BCAM: variants seen among roughly 807,000 people sequenced by gnomAD.
The protein encoded by BCAM is basal cell adhesion molecule.
BCAM carries 61 observed loss-of-function variants against 72.4 expected under a neutral mutation model. That is an observed-to-expected ratio of 0.84 (90% confidence interval 0.69 to 1.04). The LOEUF (loss-of-function observed/expected upper bound fraction) is 1.04, where lower values mean the gene tolerates loss of function less well. BCAM is among the 50% of genes least tolerant of loss of function. The pLI, the probability that BCAM is intolerant of heterozygous loss-of-function variation, is 0.00. For missense variants in BCAM, 909 were observed against 895.0 expected, an observed-to-expected ratio of 1.02 and a Z score of -0.20; for synonymous variants, 408 against 384.2, an observed-to-expected ratio of 1.06 and a Z score of -0.73.
chr19:44,812,284 G>T lies in BCAM; in HGVS notation c.326G>T (p.Arg109Leu). ...SPPYQLDSQG[R>L]LVLAEAQVGD... ...CCATACCAGCTGGACTCCCAGGGGCGCCTGGTGCTGGCTGAGGCCCAGGTG... is the reference window on the plus strand; with the variant it reads ...CCATACCAGCTGGACTCCCAGGGGCTCCTGGTGCTGGCTGAGGCCCAGGTG... The change falls in exon 3 of 15, where the codon CGC becomes CTC. Residue 109 changes from arginine (R) to leucine (L), a missense_variant. Transcript: ENST00000270233. The surrounding 1 kb of genome is among the most constrained non-coding windows in gnomAD (Gnocchi z 5.3). The T allele has an allele frequency of 6.2e-7, 1 of 1,611,326 alleles. No homozygotes were observed. Among genetic ancestry groups the T allele is most frequent in the Non-Finnish European group, 8.5e-7 (1 of 1,178,332 alleles).
Position 44,812,070 on chromosome 19 carries a change from A to G in BCAM, c.205-93A>G. 6.3e-6 allele frequency: 8 copies of G among 1,260,102 alleles called. No individual in the cohort carries two copies. The highest frequency in any genetic ancestry group is 8.8e-6 in the Non-Finnish European group (8 of 913,852). The allele number at this position is 1,260,102 out of a possible 1,614,324, so 78.1% of individuals were successfully genotyped here. On this transcript the variant is annotated intron_variant, in intron 2 of 14. Coordinates refer to ENST00000270233, the MANE Select transcript of BCAM (RefSeq NM_005581.5). The surrounding 1 kb of genome is among the most constrained non-coding windows in gnomAD (Gnocchi z 5.3). The stretch of plus-strand genomic sequence containing the variant: ...GACCCATAACAAGAGGAAAAGAGGC[A>G]GAGCCAGGAGCTGCAGAGAGAAAGG...
intron 1 of BCAM, among the ~76,000 whole-genome samples, chr19:44,809,486 C>G (rs938294273): frequency 6.6e-6 from 1 of 152,046 alleles, no homozygotes; most frequent in African/African-American, 2.4e-5. Context: ...CCTGCCTCCT[C>G]CCTCAGACCC....
intron 13 of BCAM, chr19:44,820,127 C>T: frequency 9.5e-7 from 1 of 1,050,986 alleles, no homozygotes; most frequent in Non-Finnish European, 1.1e-6. Flanking sequence ...TTCAAACCAT[C>T]CTCAACTAAG....
In BCAM at chr19:44,820,783, C is replaced by T. The variant is rs774903528; in HGVS notation, c.1842C>T (p.Ser614=). 4.6e-6 allele frequency: 7 copies of T among 1,506,958 alleles called. No homozygotes were observed. The highest frequency in any genetic ancestry group is 2.6e-5 in the East Asian group (1 of 39,122). 93.3% of individuals were successfully genotyped at this position (1,506,958 alleles called of 1,614,324 possible). A position where few individuals can be genotyped will look rare whatever the true frequency, so the allele number is the denominator to read the frequency against. The change falls in exon 14 of 15, where the codon TCC becomes TCT. Residue 614 remains serine, a synonymous_variant. Coordinates refer to ENST00000270233, the MANE Select transcript of BCAM (RefSeq NM_005581.5). Reference sequence around the variant, plus strand: ...CCGGCCTTCTCATGGGAGGTGCCTCCGGAGGAGCCAGGGGTGGCAGCGGGG... The same window carrying T: ...CCGGCCTTCTCATGGGAGGTGCCTCTGGAGGAGCCAGGGGTGGCAGCGGGG... ...EQTGLLMGGA[S]GGARGGSGGF... is the part of the protein sequence containing the mutation.
Position 44,812,806 on chromosome 19 carries a change from T to G in BCAM, c.504+258T>G, listed in dbSNP as rs766733335. 3.5e-4 allele frequency: 173 copies of G among 493,592 alleles called. No individual in the cohort carries two copies. The highest frequency in any genetic ancestry group is 6.0e-4 in the Non-Finnish European group (166 of 275,754). 30.6% of individuals were successfully genotyped at this position (493,592 alleles called of 1,614,324 possible). On this transcript the variant is annotated intron_variant, in intron 4 of 14. Transcript: ENST00000270233. The surrounding 1 kb of genome is among the most constrained non-coding windows in gnomAD (Gnocchi z 5.3). The stretch of plus-strand genomic sequence containing the variant: ...CTCTACTAAAGATACAAAAATTAGC[T>G]GGGTGTGTTGGTGTGCAACTGTAAT...
Position 44,820,997 on chromosome 19 carries a change from C to G in BCAM, c.*76C>G. ...AGAACCAGCCCTGCTCACGCCATGC[C>G]CGCCCCCGCCTTCCCTCTTCCCTCT... is the stretch of plus-strand genomic sequence containing the variant. On this transcript the variant is annotated 3_prime_UTR_variant, in exon 15 of 15. Coordinates refer to ENST00000270233, the MANE Select transcript of BCAM (RefSeq NM_005581.5). 1 of 1,448,546 alleles carries G rather than the reference C, an allele frequency of 6.9e-7. No individual in the cohort carries two copies. Among genetic ancestry groups the G allele is most frequent in the Non-Finnish European group, 9.1e-7 (1 of 1,096,020 alleles). 89.7% of individuals were successfully genotyped at this position (1,448,546 alleles called of 1,614,324 possible).
chr19:44,811,131 G>T, intron 1 of BCAM, 94 bp from the exon 2 acceptor site: 1 of 1,580,284 alleles, frequency 6.3e-7, no homozygotes. Context: ...GAGGGGCTGG[G>T]ACCTGGACGC....
At position 44,813,233 on chromosome 19, in the gene BCAM, G is replaced by T. The variant is rs758609509; in HGVS notation, c.505-17G>T. 3.1e-6 allele frequency: 5 copies of T among 1,613,510 alleles called. No homozygotes were observed. The highest frequency in any genetic ancestry group is 1.3e-5 in the African/African-American group (1 of 74,930). The stretch of plus-strand genomic sequence containing the variant: ...GTCCCAGCTCCAAGCCCAGGGCCAT[G>T]CCCGTGTCTGCCTCAGATCGCCACC... On this transcript the variant is annotated splice_polypyrimidine_tract_variant and intron_variant, in intron 4 of 14. Coordinates refer to ENST00000270233, the MANE Select transcript of BCAM (RefSeq NM_005581.5). This position sits in a 1 kb window ranked among gnomAD's most constrained non-coding sequence, Gnocchi z 4.2.
At position 44,820,700 on chromosome 19, in the gene BCAM, C is replaced by A. The variant is rs760192062; in HGVS notation, c.1764-5C>A. On this transcript the variant is annotated splice_region_variant and splice_polypyrimidine_tract_variant and intron_variant, in intron 13 of 14. Transcript: ENST00000270233. ...ACGCCTCCGCCCGCTGCCTCCTCCC[C>A]CCAGGCCGCCAGGGGAGCCAGGGCT... The A allele has an allele frequency of 1.4e-6, 2 of 1,407,334 alleles. No individual in the cohort carries two copies. The highest frequency in any genetic ancestry group is 2.7e-5 in the East Asian group (1 of 36,820). 87.2% of individuals were successfully genotyped at this position (1,407,334 alleles called of 1,614,324 possible).
chr19:44,821,223 T>C lies in BCAM; in HGVS notation c.*302T>C. The C allele has an allele frequency of 2.7e-6, 1 of 368,034 alleles. No individual in the cohort carries two copies. Among genetic ancestry groups the C allele is most frequent in the Non-Finnish European group, 4.8e-6 (1 of 206,254 alleles). The allele number at this position is 368,034 out of a possible 1,614,324, so 22.8% of individuals were successfully genotyped here. ...CCAGCCTGGGACAAGGCTCCGAGGG[T>C]CGGCTGGCCGGAGCTATTTTTACCT... On this transcript the variant is annotated 3_prime_UTR_variant, in exon 15 of 15. Transcript: ENST00000270233.
chr19:44,813,712 C>A lies in BCAM; in HGVS notation c.784+92C>A. 1 of 1,465,180 alleles carries A rather than the reference C, an allele frequency of 6.8e-7. No homozygotes were observed. The highest frequency in any genetic ancestry group is 1.3e-5 in the South Asian group (1 of 77,414). The allele number at this position is 1,465,180 out of a possible 1,614,324, so 90.8% of individuals were successfully genotyped here. On this transcript the variant is annotated intron_variant, in intron 6 of 14. Coordinates refer to ENST00000270233, the MANE Select transcript of BCAM (RefSeq NM_005581.5). This position sits in a 1 kb window ranked among gnomAD's most constrained non-coding sequence, Gnocchi z 4.2. ...CCGGGGGCTTCACACTCCCCTCTGA[C>A]CCTCTGCCTCCCTACTTCATGCTAA...
chr19:44,817,556 T>G (rs1380745851), intron 8 of BCAM, among the ~76,000 whole-genome samples: 1 of 151,476 alleles, frequency 6.6e-6, no homozygotes, highest in Non-Finnish European at 1.5e-5. Context: ...TTTGTTTTTT[T>G]TTTTTTGAGT....
At position 44,809,155 on chromosome 19, in the gene BCAM, C is replaced by T. The variant is rs566179679; in HGVS notation, c.31C>T (p.Arg11Cys). The stretch of plus-strand genomic sequence containing the variant: ...GCCCCCGGACGCACCGGCCCAGGCG[C>T]GCGGGGCCCCGCGGCTGCTGTTGCT... MEPPDAPAQA[R>C]GAPRLLLLAV... Residue 11 changes from arginine (R) to cysteine (C), a missense_variant, in exon 1 of 15, where the codon CGC becomes TGC. Transcript: ENST00000270233. The T allele has an allele frequency of 2.6e-4, 387 of 1,473,062 alleles. 7 individuals are homozygous for T. In the South Asian group the frequency reaches 4.8e-3, roughly 18 times the overall value. The allele number at this position is 1,473,062 out of a possible 1,614,324, so 91.2% of individuals were successfully genotyped here.
Position 44,814,248 on chromosome 19 carries a change from A to C in BCAM, c.881A>C (p.Asp294Ala). 2 of 1,587,664 alleles carry C rather than the reference A, an allele frequency of 1.3e-6. No homozygotes were observed. The highest frequency in any genetic ancestry group is 1.7e-6 in the Non-Finnish European group (2 of 1,173,022). Residue 294 changes from aspartate to alanine, a missense_variant, in exon 7 of 15, where the codon GAC becomes GCC. Asp to Ala is a moderately radical substitution (Grantham distance 126). Coordinates refer to ENST00000270233, the MANE Select transcript of BCAM (RefSeq NM_005581.5). This position sits in a 1 kb window ranked among gnomAD's most constrained non-coding sequence, Gnocchi z 4.6. ...ACTGTCCAGCTGCTCTGCCGGGGGG[A>C]CGGCAGCCCCAGCCCGGAGTATACG... ...GDTVQLLCRG[D>A]GSPSPEYTLF...
chr19:44,810,082 C>T (rs1287544822), intron 1 of BCAM, among the ~76,000 whole-genome samples: 1 of 152,082 alleles, frequency 6.6e-6, no homozygotes, highest in Admixed American at 6.5e-5. Flanking sequence ...ACAGTGGGTC[C>T]CCAGGGGTAG....
rs369153988 is a variant in BCAM, at chr19:44,814,735, C to T, written c.1053C>T (p.Ser351=). 17 of 1,613,232 alleles carry T rather than the reference C, an allele frequency of 1.1e-5. No homozygotes were observed. The highest frequency in any genetic ancestry group is 2.2e-5 in the South Asian group (2 of 91,048). ...DYDAADDVQL[S]KTLELRVAYL... ...ACGCGGCAGATGACGTGCAGCTCTCCAAGACGCTGGAGCTGCGCGTGGCCT... is the reference window on the plus strand; with the variant it reads ...ACGCGGCAGATGACGTGCAGCTCTCTAAGACGCTGGAGCTGCGCGTGGCCT... The change falls in exon 8 of 15, where the codon TCC becomes TCT. Residue 351 remains serine, a synonymous_variant. Transcript: ENST00000270233. The surrounding 1 kb of genome is among the most constrained non-coding windows in gnomAD (Gnocchi z 4.6).
rs927272259 is a variant in BCAM, at chr19:44,813,792, C to T, written c.784+172C>T. The T allele has an allele frequency of 1.0e-6, 1 of 985,588 alleles. No homozygotes were observed. The highest frequency in any genetic ancestry group is 2.9e-5 in the Admixed American group (1 of 35,022). The allele number at this position is 985,588 out of a possible 1,614,324, so 61.1% of individuals were successfully genotyped here. ...CTCTGACCTCAATTGGTCGCACAAGCCCCATCCTGACCTCTGACCTCCGAC... is the reference window on the plus strand; with the variant it reads ...CTCTGACCTCAATTGGTCGCACAAGTCCCATCCTGACCTCTGACCTCCGAC... On this transcript the variant is annotated intron_variant, in intron 6 of 14. Transcript: ENST00000270233. This position sits in a 1 kb window ranked among gnomAD's most constrained non-coding sequence, Gnocchi z 4.2.
intron 8 of BCAM, among the ~76,000 whole-genome samples, chr19:44,817,281 C>A (rs1285641811): frequency 2.0e-5 from 3 of 152,104 alleles, no homozygotes; most frequent in African/African-American, 4.8e-5. Context: ...ACAAAAAGAG[C>A]ACTGCAAGTA....
At position 44,814,283 on chromosome 19, in the gene BCAM, C is replaced by A. The variant is rs1968473597; in HGVS notation, c.916C>A (p.Leu306Ile). 1 of 1,594,834 alleles carries A rather than the reference C, an allele frequency of 6.3e-7. No individual in the cohort carries two copies. The highest frequency in any genetic ancestry group is 8.5e-7 in the Non-Finnish European group (1 of 1,175,880). Residue 306 changes from leucine to isoleucine, a missense_variant, in exon 7 of 15, where the codon CTT (leucine) becomes ATT (isoleucine). Coordinates refer to ENST00000270233, the MANE Select transcript of BCAM (RefSeq NM_005581.5). The surrounding 1 kb of genome is among the most constrained non-coding windows in gnomAD (Gnocchi z 4.6). ...CAGCCCGGAGTATACGCTTTTCCGC[C>A]TTCAGGTGACCCACCCAAGGGTCCC... ...SPSPEYTLFR[L>I]QDEQEEVLNV...
Sources: gnomAD v4.1 joint callset for allele counts (sites outside exome capture counted in the v4.1 genomes callset) on GRCh38, gnomAD v4.1.1 for gene constraint, Gnocchi (gnomAD v3.1) non-coding constraint, MANE v1.5 for transcripts, NCBI Gene and HGNC (gene_info 2026-07-23, HGNC 2026-07-21) for gene names.